CDC42: variants seen among roughly 807,000 people sequenced by gnomAD.
CDC42 encodes the protein cell division cycle 42, also known as cell division control protein 42 homolog.
In CDC42, 1 loss-of-function variant was observed where a neutral mutation model predicts 20.8. The ratio of observed to expected loss-of-function variants is 0.05; its 90% CI spans 0.02 to 0.23. The LOEUF is 0.23. Among genes scored for constraint, CDC42 ranks in the 10% least tolerant of loss-of-function variants. The probability of loss-of-function intolerance (pLI) is 1.00; values close to 1 mark genes in which losing one functional copy is unlikely to be tolerated. For missense variants in CDC42, 49 were observed against 227.9 expected (o/e 0.21, Z 5.05); for synonymous variants, 72 against 84.8 (o/e 0.85, Z 0.83).
At chr1:22,054,248 A>G (rs1435272977) in intron 1 of CDC42, among the ~76,000 whole-genome samples, 1 of 152,018 alleles carries the variant, frequency 6.6e-6, no homozygotes. Context: ...TATAATGGAT[A>G]TTGCACTCCC....
At chr1:22,090,085 A>C in intron 5 of CDC42, 1 of 1,591,906 alleles carries the variant, frequency 6.3e-7, no homozygotes, top group South Asian at 1.1e-5. Flanking sequence ...CTACTGTAGA[A>C]AGATCGTTTA....
intron 1 of CDC42, among the ~76,000 whole-genome samples, chr1:22,055,574 C>G (rs565744331): frequency 1.3e-5 from 2 of 151,268 alleles, no homozygotes; most frequent in African/African-American, 4.9e-5. Flanking sequence ...ACTGCAGCCT[C>G]GGCCTCCCAG....
rs915953912 is a variant in CDC42 at position 22,096,171 on chromosome 1, G to A, written c.*4654G>A. Among the ~76,000 whole-genome samples, 1 of 151,930 alleles carries A rather than the reference G, an allele frequency of 6.6e-6. No homozygotes were observed. Among genetic ancestry groups the A allele is most frequent in the Admixed American group, 6.6e-5 (1 of 15,260 alleles). The stretch of plus-strand genomic sequence containing the variant: ...AGACTGGGTGTCACTATGTTGGCCA[G>A]ACAGATCTCAAACTCCTGACCTCCT... On this transcript the variant is annotated 3_prime_UTR_variant, in exon 6 of 6. Coordinates refer to ENST00000656825, the MANE Select transcript of CDC42 (RefSeq NM_001791.4).
intron 1 of CDC42, among the ~76,000 whole-genome samples, chr1:22,074,435 G>T (rs570741605): frequency 6.6e-6 from 1 of 152,108 alleles, no homozygotes. Context: ...CTTTGCTGCC[G>T]TAGTGATTTG....
intron 5 of CDC42, among the ~76,000 whole-genome samples, chr1:22,091,020 C>CACTGA (rs1324321340): frequency 1.3e-5 from 2 of 152,190 alleles, no homozygotes; most frequent in Non-Finnish European, 2.9e-5. Context: ...TGACCCGTGC[C>CACTGA]CGTCCTCTCA....
intron 2 of CDC42, among the ~76,000 whole-genome samples, chr1:22,079,656 A>T (rs1256974908): frequency 6.6e-6 from 1 of 152,188 alleles, no homozygotes; most frequent in Non-Finnish European, 1.5e-5. Flanking sequence ...GAATTGGCTC[A>T]TTTGGAGACA....
intron 4 of CDC42, 48 bp downstream of exon 4, chr1:22,086,596 C>T: frequency 6.3e-7 from 1 of 1,584,906 alleles, no homozygotes; most frequent in Non-Finnish European, 8.7e-7. Flanking sequence ...CTCAGAATTT[C>T]TACTGACCTG....
chr1:22,053,021 C>T (rs1645253110), intron 1 of CDC42, among the ~76,000 whole-genome samples: 1 of 151,116 alleles, frequency 6.6e-6, no homozygotes, highest in African/African-American at 2.4e-5. Flanking sequence ...CGAGCGGGAC[C>T]GGGCTGTCAC....
At chr1:22,077,258 C>T (rs531100954) in intron 1 of CDC42, among the ~76,000 whole-genome samples, 62 of 152,202 alleles carry the variant, frequency 4.1e-4, no homozygotes, top group African/African-American at 1.2e-3. Flanking sequence ...TCTTTTGTTT[C>T]GTGATTTTTG....
In CDC42 at chr1:22,101,145, G is replaced by A. The variant is rs949649150; in HGVS notation, c.*9628G>A. ...CTCCGTGAACCCTGGTACATATAGC[G>A]TGATAAATCAAGTCCTGTTTTTGCT... On this transcript the variant is annotated 3_prime_UTR_variant, in exon 6 of 6. Transcript: ENST00000656825. The A allele has an allele frequency of 6.6e-6, 1 of 152,168 alleles. No individual in the cohort carries two copies. The highest frequency in any genetic ancestry group is 1.5e-5 in the Non-Finnish European group (1 of 68,042). The allele number at this position is 152,168 out of a possible 1,614,324, so 9.4% of individuals were successfully genotyped here. A position where few individuals can be genotyped will look rare whatever the true frequency, so the allele number is the denominator to read the frequency against.
chr1:22,078,299 A>C lies in CDC42; in HGVS notation c.-50-130A>C, dbSNP rs75488619. 520 of 490,480 alleles carry C rather than the reference A, an allele frequency of 1.1e-3. 7 individuals carry two copies. The East Asian group carries it at 0.016, about 15-fold the overall frequency. 30.4% of individuals were successfully genotyped at this position (490,480 alleles called of 1,614,324 possible). A position where few individuals can be genotyped will look rare whatever the true frequency, so the allele number is the denominator to read the frequency against. ...CTTATAGCAAGTCATTGTGTCTCTT[A>C]TTGGGTTCTTTTAGCCATAATAATT... On this transcript the variant is annotated intron_variant, in intron 1 of 5. Transcript: ENST00000656825.
At chr1:22,084,043 C>T (rs1645634726) in intron 3 of CDC42, among the ~76,000 whole-genome samples, 3 of 152,128 alleles carry the variant, frequency 2.0e-5, no homozygotes, top group Admixed American at 2.0e-4. Context: ...TATCCATTAA[C>T]AAGTTGATGG....
chr1:22,064,742 C>T (rs561168548), intron 1 of CDC42, among the ~76,000 whole-genome samples: 2 of 149,878 alleles, frequency 1.3e-5, no homozygotes, highest in East Asian at 2.0e-4. Flanking sequence ...AGTGCAGTGG[C>T]GCAATCTCAC....
chr1:22,081,391 G>C (rs780989316), intron 2 of CDC42, among the ~76,000 whole-genome samples: 7 of 152,214 alleles, frequency 4.6e-5, no homozygotes, highest in Non-Finnish European at 5.9e-5. Context: ...TGAATGTTGA[G>C]GTAGACCACT....
In CDC42 at chr1:22,086,817, C is replaced by G; in HGVS notation, c.437C>G (p.Ala146Gly). 5 of 1,614,022 alleles carry G rather than the reference C, an allele frequency of 3.1e-6. No homozygotes were observed. Among genetic ancestry groups the G allele is most frequent in the Non-Finnish European group, 4.2e-6 (5 of 1,179,938 alleles). The change falls in exon 5 of 6, where the codon GCC becomes GGC. Residue 146 changes from alanine (A) to glycine (G), a missense_variant. This residue lies in a region of CDC42 where 38 missense variants were observed against 106.6 expected (regional missense o/e 0.36). Transcript: ENST00000656825. ...PITPETAEKL[A>G]RDLKAVKYVE... ...ACTCCAGAGACTGCTGAAAAGCTGGCCCGTGACCTGAAGGCTGTCAAGTAT... is the reference window on the plus strand; with the variant it reads ...ACTCCAGAGACTGCTGAAAAGCTGGGCCGTGACCTGAAGGCTGTCAAGTAT...
chr1:22,055,292 T>C (rs1443293408), intron 1 of CDC42, among the ~76,000 whole-genome samples: 1 of 151,884 alleles, frequency 6.6e-6, no homozygotes. Context: ...GATAAGAGTT[T>C]GGTAATCAAC....
chr1:22,055,888 A>G (rs1269979001), intron 1 of CDC42, among the ~76,000 whole-genome samples: 8 of 55,668 alleles, frequency 1.4e-4, no homozygotes, highest in East Asian at 6.0e-4. Context: ...TTTTTTTTTG[A>G]GAGGATGAGA....
chr1:22,078,705 G>C, intron 2 of CDC42, 122 bp downstream of exon 2: 1 of 1,511,006 alleles, frequency 6.6e-7, no homozygotes, highest in Non-Finnish European at 8.9e-7. Context: ...TGTTTTTAAA[G>C]ATCTTGACTT....
chr1:22,095,812 T>C lies in CDC42; in HGVS notation c.*4295T>C, dbSNP rs1244647097. Among the ~76,000 whole-genome samples, 3 of 152,192 alleles carry C rather than the reference T, an allele frequency of 2.0e-5. No homozygotes were observed. The highest frequency in any genetic ancestry group is 2.9e-5 in the Non-Finnish European group (2 of 68,028). On this transcript the variant is annotated 3_prime_UTR_variant, in exon 6 of 6. Coordinates refer to ENST00000656825, the MANE Select transcript of CDC42 (RefSeq NM_001791.4). Reference sequence around the variant, plus strand: ...GAGCCTAGTTCCAGAGAGCAGTGGCTGCTTGAGTGTGGACTTGCTTATGGT... The same window carrying C: ...GAGCCTAGTTCCAGAGAGCAGTGGCCGCTTGAGTGTGGACTTGCTTATGGT...
Sources: gnomAD v4.1 joint callset for allele counts (sites outside exome capture counted in the v4.1 genomes callset) on GRCh38, gnomAD v4.1.1 for gene constraint, gnomAD v4.1.1 regional missense constraint, MANE v1.5 for transcripts, NCBI Gene and HGNC (gene_info 2026-07-23, HGNC 2026-07-21) for gene names.